The following DRAM1 variants were observed in gnomAD, a reference collection of about 807,000 sequenced individuals.
DRAM1 encodes DNA damage-regulated autophagy modulator protein 1.
Under a neutral mutation model 28.5 loss-of-function variants are expected in DRAM1, and 25 were observed. The observed-to-expected ratio is 0.88, with a 90% CI of 0.64 to 1.23. The LOEUF (loss-of-function observed/expected upper bound fraction) is 1.23, where lower values mean the gene tolerates loss of function less well. DRAM1 is among the 50% of genes most tolerant of loss of function. The probability of loss-of-function intolerance (pLI) is 0.00; values close to 1 mark genes in which losing one functional copy is unlikely to be tolerated. For missense variants in DRAM1, 249 were observed against 299.2 expected, an observed-to-expected ratio of 0.83 and a Z score of 1.24; for synonymous variants, 113 against 114.2, an observed-to-expected ratio of 0.99 and a Z score of 0.07.
chr12:101,919,641 C>T (rs1266005750), intron 5 of DRAM1, among the ~76,000 whole-genome samples: 1 of 152,168 alleles, frequency 6.6e-6, no homozygotes, highest in Non-Finnish European at 1.5e-5. Flanking sequence ...AACAGGGAAA[C>T]ACGAAACCTA....
chr12:101,907,019 A>T (rs1594306373), intron 3 of DRAM1, among the ~76,000 whole-genome samples: 1 of 151,020 alleles, frequency 6.6e-6, no homozygotes, highest in Non-Finnish European at 1.5e-5. Flanking sequence ...AGGGACAGGG[A>T]ACTTGTTTAG....
At chr12:101,891,187 T>C (rs1034138441) in intron 1 of DRAM1, among the ~76,000 whole-genome samples, 5 of 105,008 alleles carry the variant, frequency 4.8e-5, no homozygotes, top group African/African-American at 2.1e-4. Flanking sequence ...TTAAATATTA[T>C]AAAGATAAAG....
chr12:101,907,376 G>A (rs1016860338), intron 3 of DRAM1, among the ~76,000 whole-genome samples: 4 of 151,644 alleles, frequency 2.6e-5, no homozygotes, highest in Admixed American at 6.6e-5. Context: ...AACGAGTCAC[G>A]TACTTTGGTT....
At chr12:101,878,825 A>G (rs1383496597) in intron 1 of DRAM1, among the ~76,000 whole-genome samples, 1 of 152,112 alleles carries the variant, frequency 6.6e-6, no homozygotes, top group Non-Finnish European at 1.5e-5. Flanking sequence ...TGTTACTGCT[A>G]TGATAGAAAA....
chr12:101,891,077 C>A (rs1873111231), intron 1 of DRAM1, among the ~76,000 whole-genome samples: 1 of 152,086 alleles, frequency 6.6e-6, no homozygotes, highest in Non-Finnish European at 1.5e-5. Flanking sequence ...ACAGTCATCA[C>A]CAAGTGAAGC....
chr12:101,919,566 C>A (rs1331734339), intron 5 of DRAM1, among the ~76,000 whole-genome samples: 1 of 152,160 alleles, frequency 6.6e-6, no homozygotes, highest in Non-Finnish European at 1.5e-5. Flanking sequence ...TTAGCATTTT[C>A]TTTGTAGCTG....
At chr12:101,905,982 G>T (rs1005182778) in intron 3 of DRAM1, among the ~76,000 whole-genome samples, 11 of 152,028 alleles carry the variant, frequency 7.2e-5, no homozygotes, top group African/African-American at 2.7e-4. Flanking sequence ...TAGATACGCG[G>T]TTTCACCACG....
Position 101,921,325 on chromosome 12 carries a change from C to T in DRAM1, c.*65C>T. On this transcript the variant is annotated 3_prime_UTR_variant, in exon 7 of 7. Coordinates refer to ENST00000258534, the MANE Select transcript of DRAM1 (RefSeq NM_018370.3). ...CCATTTCTAAAAGTGCTACAGAGGA[C>T]AGACAGGGTTTTGAGGCCACCCTGA... 2.1e-6 allele frequency: 3 copies of T among 1,409,836 alleles called. No individual in the cohort carries two copies. Among genetic ancestry groups the T allele is most frequent in the Non-Finnish European group, 3.0e-6 (3 of 995,280 alleles). The allele number at this position is 1,409,836 out of a possible 1,614,324, so 87.3% of individuals were successfully genotyped here. A position where few individuals can be genotyped will look rare whatever the true frequency, so the allele number is the denominator to read the frequency against.
chr12:101,919,284 G>GTGCA (rs1874380635), intron 5 of DRAM1, among the ~76,000 whole-genome samples: 1 of 147,518 alleles, frequency 6.8e-6, no homozygotes, highest in Admixed American at 6.8e-5. Context: ...ACACACACAC[G>GTGCA]CACACACACA....
intron 4 of DRAM1, among the ~76,000 whole-genome samples, chr12:101,908,578 C>A (rs945188266): frequency 1.3e-5 from 2 of 151,948 alleles, no homozygotes; most frequent in Admixed American, 1.3e-4. Context: ...TAAAAGGAAA[C>A]CTCAAGGATG....
At chr12:101,894,703 G>T (rs7975309) in intron 1 of DRAM1, among the ~76,000 whole-genome samples, 3 of 151,904 alleles carry the variant, frequency 2.0e-5, no homozygotes, top group Non-Finnish European at 2.9e-5. Context: ...AGAGTCCCCA[G>T]GTCTGGTCTT....
chr12:101,904,848 T>G (rs1432449434), intron 3 of DRAM1, among the ~76,000 whole-genome samples: 2 of 152,096 alleles, frequency 1.3e-5, no homozygotes, highest in African/African-American at 4.8e-5. Context: ...GTGCCGGGTT[T>G]TAACTTTATC....
chr12:101,921,182 C>A lies in DRAM1; in HGVS notation c.673-34C>A, dbSNP rs757029556. On this transcript the variant is annotated intron_variant, in intron 6 of 6. Coordinates refer to ENST00000258534, the MANE Select transcript of DRAM1 (RefSeq NM_018370.3). ...TGTCAACGCTGGGATTGTTTAACTTCTTTTAAACCTTTCTCTTTCATTTTT... is the reference window on the plus strand; with the variant it reads ...TGTCAACGCTGGGATTGTTTAACTTATTTTAAACCTTTCTCTTTCATTTTT... 8.7e-6 allele frequency: 13 copies of A among 1,485,888 alleles called. No homozygotes were observed. In the East Asian group the frequency reaches 2.9e-4, roughly 34 times the overall value. 92.0% of individuals were successfully genotyped at this position (1,485,888 alleles called of 1,614,324 possible). A position where few individuals can be genotyped will look rare whatever the true frequency, so the allele number is the denominator to read the frequency against.
intron 1 of DRAM1, among the ~76,000 whole-genome samples, chr12:101,895,191 T>TTTTTTTTTTG (rs1566123823): frequency 3.3e-5 from 4 of 121,890 alleles, no homozygotes; most frequent in Non-Finnish European, 5.0e-5. Flanking sequence ...TTCAGGTTTT[T>TTTTTTTTTTG]TTTTTTTTTT....
At chr12:101,920,739 C>G (rs1293037400) in intron 6 of DRAM1, among the ~76,000 whole-genome samples, 1 of 152,034 alleles carries the variant, frequency 6.6e-6, no homozygotes. Context: ...TGGAGAAACC[C>G]CGTCTCTACT....
chr12:101,901,083 GTGTGTGTGT>G (rs1873583826), intron 2 of DRAM1, among the ~76,000 whole-genome samples, 199 bp from the exon 3 acceptor site: 1 of 13,348 alleles, frequency 7.5e-5, no homozygotes, highest in African/African-American at 3.5e-4. Flanking sequence ...CAAGGGGTGT[GTGTGTGTGT>G]GTGTGTGTGT....
Position 101,921,514 on chromosome 12 carries a change from A to G in DRAM1, c.*254A>G, listed in dbSNP as rs1232438379. On this transcript the variant is annotated 3_prime_UTR_variant, in exon 7 of 7. Transcript: ENST00000258534. ...GATTTTTTTATATTAACAAATTCAT[A>G]TACAGAAAAAATAAGGTGTTACAAA... 5 of 315,388 alleles carry G rather than the reference A, an allele frequency of 1.6e-5. No individual in the cohort carries two copies. Among genetic ancestry groups the G allele is most frequent in the Non-Finnish European group, 5.7e-6 (1 of 174,504 alleles). 19.5% of individuals were successfully genotyped at this position (315,388 alleles called of 1,614,324 possible). A position where few individuals can be genotyped will look rare whatever the true frequency, so the allele number is the denominator to read the frequency against.
intron 2 of DRAM1, among the ~76,000 whole-genome samples, 170 bp downstream of exon 2, chr12:101,898,100 A>G (rs941516375): frequency 1.3e-5 from 2 of 152,076 alleles, no homozygotes; most frequent in African/African-American, 2.4e-5. Context: ...GGCTCACTGC[A>G]GCCTCAACCT....
In DRAM1 at chr12:101,922,435, C is replaced by T. The variant is rs1874518373; in HGVS notation, c.*1175C>T. 1 of 152,254 alleles carries T rather than the reference C, an allele frequency of 6.6e-6. No homozygotes were observed. The highest frequency in any genetic ancestry group is 2.4e-5 in the African/African-American group (1 of 41,444). 9.4% of individuals were successfully genotyped at this position (152,254 alleles called of 1,614,324 possible). On this transcript the variant is annotated 3_prime_UTR_variant, in exon 7 of 7. Transcript: ENST00000258534. Reference sequence around the variant, plus strand: ...TCCTAGAGCATAAACCCATGTGTGGCCAAGTGAGATCAGCCCTCAAGGGCA... The same window carrying T: ...TCCTAGAGCATAAACCCATGTGTGGTCAAGTGAGATCAGCCCTCAAGGGCA...
Sources: gnomAD v4.1 joint callset for allele counts (sites outside exome capture counted in the v4.1 genomes callset) on GRCh38, gnomAD v4.1.1 for gene constraint, MANE v1.5 for transcripts, NCBI Gene and HGNC (gene_info 2026-07-23, HGNC 2026-07-21) for gene names.